The following ATP11A variants were observed in gnomAD, a reference collection of about 807,000 sequenced individuals.
ATP11A encodes the protein ATPase phospholipid transporting 11A.
ATP11A carries 81 observed loss-of-function variants against 154.4 expected under a neutral mutation model. The observed-to-expected ratio is 0.52, with a 90% CI of 0.44 to 0.63. The LOEUF (loss-of-function observed/expected upper bound fraction) is 0.63. ATP11A is among the 30% of genes least tolerant of loss of function. ATP11A has a pLI of 0.00. For missense variants in ATP11A, 1,316 were observed against 1,474.3 expected, an observed-to-expected ratio of 0.89 and a Z score of 1.76; for synonymous variants, 623 against 585.9, an observed-to-expected ratio of 1.06 and a Z score of -0.91.
intron 1 of ATP11A, among the ~76,000 whole-genome samples, chr13:112,775,660 G>T (rs1378773560): frequency 6.6e-6 from 1 of 152,120 alleles, no homozygotes; most frequent in Non-Finnish European, 1.5e-5. Flanking sequence ...GTGAGATCTG[G>T]GTGATTTATT....
chr13:112,862,424 C>T lies in ATP11A; in HGVS notation c.2856-16C>T, dbSNP rs776975839. ...GATTCTCGAGGACACACGCTGTGCA[C>T]CTTTCTCCTCACCAGGGACGTCGCC... On this transcript the variant is annotated splice_polypyrimidine_tract_variant and intron_variant, in intron 24 of 29. Transcript: ENST00000375645. The T allele has an allele frequency of 6.2e-7, 1 of 1,612,840 alleles. No individual in the cohort carries two copies. Among genetic ancestry groups the T allele is most frequent in the Admixed American group, 1.7e-5 (1 of 59,966 alleles).
rs541882610 is a variant in ATP11A at position 112,827,838 on chromosome 13, G to C, written c.1221+947G>C. On this transcript the variant is annotated intron_variant, in intron 12 of 29. Transcript: ENST00000375645. Reference sequence around the variant, plus strand: ...GAAGGCCAACAAACGGAAGGATCATGTTCCACATTTGATGAGTTTGACTTT... The same window carrying C: ...GAAGGCCAACAAACGGAAGGATCATCTTCCACATTTGATGAGTTTGACTTT... 2.6e-5 allele frequency among the ~76,000 whole-genome samples: 4 copies of C among 152,350 alleles called. No individual in the cohort carries two copies. In the South Asian group the frequency reaches 8.3e-4, roughly 32 times the overall value.
chr13:112,804,763 C>T (rs2078276853), intron 2 of ATP11A, among the ~76,000 whole-genome samples, 194 bp from the exon 3 acceptor site: 2 of 152,208 alleles, frequency 1.3e-5, no homozygotes, highest in South Asian at 2.1e-4. Context: ...AATTTACATA[C>T]GTGTTTCAGA....
At chr13:112,829,242 G>A (rs282621) in intron 12 of ATP11A, among the ~76,000 whole-genome samples, 3 of 152,192 alleles carry the variant, frequency 2.0e-5, no homozygotes, top group African/African-American at 4.8e-5. Flanking sequence ...TGGCAGCATT[G>A]ACCAGCACTG....
intron 2 of ATP11A, among the ~76,000 whole-genome samples, chr13:112,803,740 C>A (rs557082163): frequency 3.6e-3 from 448 of 126,116 alleles, no homozygotes; most frequent in African/African-American, 9.2e-3. Flanking sequence ...GACCTCCTTC[C>A]CCTCCTTCTC....
intron 1 of ATP11A, among the ~76,000 whole-genome samples, chr13:112,760,959 A>G (rs2076947758): frequency 6.6e-6 from 1 of 152,236 alleles, no homozygotes; most frequent in Non-Finnish European, 1.5e-5. Flanking sequence ...TAACCGAGGT[A>G]TGAAAATATT....
chr13:112,881,650 G>A (rs2080887884), intron 29 of ATP11A: 1 of 1,199,016 alleles, frequency 8.3e-7, no homozygotes, highest in African/African-American at 1.6e-5. Flanking sequence ...CTCTGGTGGG[G>A]TGGATCCCGC....
chr13:112,798,153 C>T lies in ATP11A; in HGVS notation c.163-6804C>T, dbSNP rs758573620. On this transcript the variant is annotated intron_variant, in intron 2 of 29. Transcript: ENST00000375645. Reference sequence around the variant, plus strand: ...ATTCATGAGGGAGGAGCCCGCATGGCGGAATCAGAACTCTTGAAGGCCCCG... The same window carrying T: ...ATTCATGAGGGAGGAGCCCGCATGGTGGAATCAGAACTCTTGAAGGCCCCG... 3.1e-4 allele frequency among the ~76,000 whole-genome samples: 47 copies of T among 152,188 alleles called. 1 individual carries two copies. Among genetic ancestry groups the T allele is most frequent in the Admixed American group, 2.9e-3 (45 of 15,272 alleles).
In ATP11A at chr13:112,875,883, A is replaced by G; in HGVS notation, c.3269A>G (p.Asp1090Gly). 6.2e-7 allele frequency: 1 copy of G among 1,613,694 alleles called. No homozygotes were observed. Among genetic ancestry groups the G allele is most frequent in the East Asian group, 2.2e-5 (1 of 44,872 alleles). ...CTGGTGACCATCAGCCTCCTTCCCGACGTCCTCAAGAAAGTCCTGTGCCGG... is the reference window on the plus strand; with the variant it reads ...CTGGTGACCATCAGCCTCCTTCCCGGCGTCCTCAAGAAAGTCCTGTGCCGG... ...VLLVTISLLP[D>G]VLKKVLCRQL... Residue 1090 changes from aspartate (D) to glycine (G), a missense_variant, in exon 28 of 30, where the codon GAC becomes GGC. This residue lies in a region of ATP11A where 294 missense variants were observed against 290.2 expected (regional missense o/e 1.01). Coordinates refer to ENST00000375645, the MANE Select transcript of ATP11A (RefSeq NM_015205.3). The surrounding 1 kb of genome is among the most constrained non-coding windows in gnomAD (Gnocchi z 4.1).
intron 1 of ATP11A, among the ~76,000 whole-genome samples, chr13:112,726,596 T>C (rs1372389173): frequency 1.3e-5 from 2 of 152,184 alleles, no homozygotes; most frequent in African/African-American, 4.8e-5. Context: ...GCTGCTGCCA[T>C]GTCCTCTCTA....
rs757804972 is a variant in ATP11A, at chr13:112,860,541, T to C, written c.2855+127T>C. On this transcript the variant is annotated intron_variant, in intron 24 of 29. Coordinates refer to ENST00000375645, the MANE Select transcript of ATP11A (RefSeq NM_015205.3). The stretch of plus-strand genomic sequence containing the variant: ...CAGAAGCATTCGGCATCTGCTGATA[T>C]TCTTGCTTGATCAGGAGCTTGTTTA... 5 of 1,124,928 alleles carry C rather than the reference T, an allele frequency of 4.4e-6. No individual in the cohort carries two copies. The South Asian group carries it at 4.6e-5, about 10-fold the overall frequency. The allele number at this position is 1,124,928 out of a possible 1,614,324, so 69.7% of individuals were successfully genotyped here.
In ATP11A at chr13:112,865,151, T is replaced by C. The variant is rs1325716207; in HGVS notation, c.2991+2576T>C. On this transcript the variant is annotated intron_variant, in intron 25 of 29. Coordinates refer to ENST00000375645, the MANE Select transcript of ATP11A (RefSeq NM_015205.3). Reference sequence around the variant, plus strand: ...CATCACCACCTGCGCAGTAATTCAGTGCAGGCCCGCGCAGCTTCCCAGCGG... The same window carrying C: ...CATCACCACCTGCGCAGTAATTCAGCGCAGGCCCGCGCAGCTTCCCAGCGG... 2.7e-4 allele frequency among the ~76,000 whole-genome samples: 22 copies of C among 82,658 alleles called. 2 individuals carry two copies. The East Asian group carries it at 9.0e-3, about 34-fold the overall frequency. The allele number at this position is 82,658 out of a possible 152,430, so 54.2% of individuals were successfully genotyped here. A position where few individuals can be genotyped will look rare whatever the true frequency, so the allele number is the denominator to read the frequency against.
rs141806446 is a variant in ATP11A at position 112,754,457 on chromosome 13, TCTC to T, written c.40-30676_40-30674del. 14,959 of 152,236 alleles carry T rather than the reference TCTC, an allele frequency of 0.098. 782 individuals carry two copies. The highest frequency in any genetic ancestry group is 0.11 in the Non-Finnish European group (7,787 of 68,204). 9.4% of individuals were successfully genotyped at this position (152,236 alleles called of 1,614,324 possible). A position where few individuals can be genotyped will look rare whatever the true frequency, so the allele number is the denominator to read the frequency against. On this transcript the variant is annotated intron_variant, in intron 1 of 29. Transcript: ENST00000375645. This position sits in a 1 kb window ranked among gnomAD's most constrained non-coding sequence, Gnocchi z 5.3. ...GGCAGGTGCCACCCCACAGCCCTGC[TCTC>T]CCGCCGAGGAAACTGAGTACTGGGC...
At chr13:112,742,785 C>T (rs1322360262) in intron 1 of ATP11A, among the ~76,000 whole-genome samples, 1 of 152,212 alleles carries the variant, frequency 6.6e-6, no homozygotes, top group Non-Finnish European at 1.5e-5. Context: ...GACTGAAGGT[C>T]AGAAAGAGCA....
intron 1 of ATP11A, among the ~76,000 whole-genome samples, chr13:112,709,555 C>T (rs1887510629): frequency 6.6e-6 from 1 of 152,226 alleles, no homozygotes; most frequent in Non-Finnish European, 1.5e-5. Flanking sequence ...AAAACTTGGT[C>T]TCCACAATCC....
Position 112,836,747 on chromosome 13 carries a change from G to A in ATP11A, c.1705+496G>A, listed in dbSNP as rs188664324. 4.5e-4 allele frequency among the ~76,000 whole-genome samples: 69 copies of A among 152,364 alleles called. 1 individual carries two copies. The highest frequency in any genetic ancestry group is 9.4e-4 in the African/African-American group (39 of 41,588). On this transcript the variant is annotated intron_variant, in intron 16 of 29. Coordinates refer to ENST00000375645, the MANE Select transcript of ATP11A (RefSeq NM_015205.3). Reference sequence around the variant, plus strand: ...GTGTGTCTGTGAGAACAGCACACTCGGTTCGTGCTCCGGAATGCTGGGATG... The same window carrying A: ...GTGTGTCTGTGAGAACAGCACACTCAGTTCGTGCTCCGGAATGCTGGGATG...
rs2080907667 is a variant in ATP11A, at chr13:112,882,420, A to G, written c.*554A>G. On this transcript the variant is annotated 3_prime_UTR_variant, in exon 30 of 30. Transcript: ENST00000375645. This position sits in a 1 kb window ranked among gnomAD's most constrained non-coding sequence, Gnocchi z 5.1. Reference sequence around the variant, plus strand: ...TTTCCTGCTTGCCCGGCCACCACCCATGCCCTCCATAGGGTGAGGTGGAGC... The same window carrying G: ...TTTCCTGCTTGCCCGGCCACCACCCGTGCCCTCCATAGGGTGAGGTGGAGC... 2.3e-6 allele frequency: 1 copy of G among 427,654 alleles called. No individual in the cohort carries two copies. Among genetic ancestry groups the G allele is most frequent in the Admixed American group, 3.9e-5 (1 of 25,774 alleles). The allele number at this position is 427,654 out of a possible 1,614,324, so 26.5% of individuals were successfully genotyped here. A position where few individuals can be genotyped will look rare whatever the true frequency, so the allele number is the denominator to read the frequency against.
intron 29 of ATP11A, chr13:112,880,709 C>T (rs1594268240): frequency 8.0e-7 from 1 of 1,244,702 alleles, no homozygotes; most frequent in African/African-American, 1.5e-5. Flanking sequence ...CGTTTTTCCT[C>T]CAAAGTTGTG....
intron 1 of ATP11A, among the ~76,000 whole-genome samples, chr13:112,764,641 T>C (rs549744894): frequency 3.3e-5 from 5 of 152,300 alleles, no homozygotes; most frequent in East Asian, 1.9e-4. Context: ...CCCAGGAAGC[T>C]GGTGACGTGC....
Sources: gnomAD v4.1 joint callset for allele counts (sites outside exome capture counted in the v4.1 genomes callset) on GRCh38, gnomAD v4.1.1 for gene constraint, gnomAD v4.1.1 regional missense constraint, Gnocchi (gnomAD v3.1) non-coding constraint, MANE v1.5 for transcripts, NCBI Gene and HGNC (gene_info 2026-07-23, HGNC 2026-07-21) for gene names.